Variants in TYW1 observed in about 807,000 individuals in gnomAD.
The protein encoded by TYW1 is tRNA-yW synthesizing protein 1 homolog.
In TYW1, 46 loss-of-function variants were observed where a neutral mutation model predicts 96.2. The ratio of observed to expected loss-of-function variants is 0.48; its 90% CI spans 0.38 to 0.61. The LOEUF (loss-of-function observed/expected upper bound fraction) is 0.61, where lower values mean the gene tolerates loss of function less well. Ranked by LOEUF, TYW1 falls within the 20% of genes least tolerant of loss-of-function variation. TYW1 has a pLI of 0.00. For synonymous variants in TYW1, 274 were observed against 323.0 expected, an observed-to-expected ratio of 0.85 and a Z score of 1.63; for missense variants, 684 against 909.6, an observed-to-expected ratio of 0.75 and a Z score of 3.19.
chr7:67,010,089 C>T (rs1793740392), intron 4 of TYW1, among the ~76,000 whole-genome samples: 1 of 150,458 alleles, frequency 6.6e-6, no homozygotes, highest in Non-Finnish European at 1.5e-5. Flanking sequence ...TCAAGTGATT[C>T]TCCTGCCTCA....
intron 15 of TYW1, among the ~76,000 whole-genome samples, chr7:67,206,696 G>A (rs10258678): frequency 0.27 from 40,716 of 151,360 alleles, 5,833 homozygotes; most frequent in African/African-American, 0.36. Context: ...TAAAAGACAA[G>A]GGAAAGAAGC....
intron 13 of TYW1, among the ~76,000 whole-genome samples, chr7:67,167,144 G>A (rs1156250948): frequency 4.6e-5 from 7 of 152,114 alleles, no homozygotes; most frequent in African/African-American, 1.7e-4. Flanking sequence ...TTTATCAGGT[G>A]TCTTTATCTG....
chr7:67,229,312 C>T (rs1468685867), intron 15 of TYW1, among the ~76,000 whole-genome samples: 2 of 151,878 alleles, frequency 1.3e-5, no homozygotes, highest in Non-Finnish European at 2.9e-5. Context: ...CTGAGGCGGG[C>T]GGATCACCTG....
At chr7:67,225,567 T>G (rs1801535684) in intron 15 of TYW1, among the ~76,000 whole-genome samples, 1 of 152,178 alleles carries the variant, frequency 6.6e-6, no homozygotes, top group Admixed American at 6.5e-5. Context: ...AAGGGACTTG[T>G]GTATCTCCAT....
intron 9 of TYW1, among the ~76,000 whole-genome samples, chr7:67,058,035 C>T (rs529323391): frequency 3.9e-5 from 6 of 152,114 alleles, no homozygotes; most frequent in Non-Finnish European, 8.8e-5. Context: ...CCCGGGTTCA[C>T]GCCATTCTCC....
intron 7 of TYW1, among the ~76,000 whole-genome samples, chr7:67,029,463 A>C (rs1794602046): frequency 7.5e-6 from 1 of 132,864 alleles, no homozygotes; most frequent in African/African-American, 2.6e-5. Context: ...GTTCACTGAA[A>C]GACTTTGCAT....
intron 15 of TYW1, among the ~76,000 whole-genome samples, chr7:67,228,937 T>C (rs1331768288): frequency 6.6e-6 from 1 of 152,256 alleles, no homozygotes; most frequent in Non-Finnish European, 1.5e-5. Context: ...GTTCTTCATC[T>C]GCAACCTCTT....
intron 13 of TYW1, among the ~76,000 whole-genome samples, chr7:67,154,872 T>C (rs1177152373): frequency 6.6e-6 from 1 of 152,188 alleles, no homozygotes; most frequent in Non-Finnish European, 1.5e-5. Context: ...TCTGTATACT[T>C]TTAAATTATC....
At chr7:67,015,415 T>C (rs1185479249) in intron 5 of TYW1, among the ~76,000 whole-genome samples, 2 of 152,190 alleles carry the variant, frequency 1.3e-5, no homozygotes, top group African/African-American at 4.8e-5. Context: ...TGCAGTGACC[T>C]GATCAAAATT....
chr7:67,005,284 A>G (rs908011706), intron 3 of TYW1, among the ~76,000 whole-genome samples: 1 of 152,112 alleles, frequency 6.6e-6, no homozygotes, highest in Non-Finnish European at 1.5e-5. Flanking sequence ...GGTTCTCTGC[A>G]TTAAATAAAC....
Position 67,041,012 on chromosome 7 carries a change from A to G in TYW1, c.985-8937A>G, listed in dbSNP as rs1484098407. On this transcript the variant is annotated intron_variant, in intron 7 of 15. Transcript: ENST00000359626. Reference sequence around the variant, plus strand: ...CATCCATGTACATTATTTTTTTGAAATGAAATGATTTTGGGCTTTATGAGC... The same window carrying G: ...CATCCATGTACATTATTTTTTTGAAGTGAAATGATTTTGGGCTTTATGAGC... Among the ~76,000 whole-genome samples, 3 of 152,222 alleles carry G rather than the reference A, an allele frequency of 2.0e-5. No individual in the cohort carries two copies. The East Asian group carries it at 5.8e-4, about 29-fold the overall frequency.
At chr7:67,023,394 G>A (rs1210439900) in intron 6 of TYW1, among the ~76,000 whole-genome samples, 1 of 152,062 alleles carries the variant, frequency 6.6e-6, no homozygotes, top group African/African-American at 2.4e-5. Context: ...ACTGTGTCCG[G>A]CCCGTTTCTT....
chr7:67,187,075 T>G (rs994099992), intron 14 of TYW1, among the ~76,000 whole-genome samples: 12 of 116,664 alleles, frequency 1.0e-4, no homozygotes, highest in East Asian at 2.4e-4. Flanking sequence ...TTTTTTTTTT[T>G]TTTTTTGAGA....
rs747425452 is a variant in TYW1 at position 67,166,735 on chromosome 7, T to C, written c.1699-16391T>C. 1.4e-4 allele frequency among the ~76,000 whole-genome samples: 21 copies of C among 152,300 alleles called. 1 individual carries two copies. The highest frequency in any genetic ancestry group is 2.0e-4 in the Admixed American group (3 of 15,296). On this transcript the variant is annotated intron_variant, in intron 13 of 15. Coordinates refer to ENST00000359626, the MANE Select transcript of TYW1 (RefSeq NM_018264.4). ...ATTTTCATTGCTATATGTCAATATA[T>C]GAGTATGCCACGATTTATTCCTTCC...
In TYW1 at chr7:67,068,763, C is replaced by T. The variant is rs1795949304; in HGVS notation, c.1274+1360C>T. Reference sequence around the variant, plus strand: ...TTTCTGAGTTTTCCTTCTCCATTTCCAATTTCCTGTTGCATATCTTCTCTT... The same window carrying T: ...TTTCTGAGTTTTCCTTCTCCATTTCTAATTTCCTGTTGCATATCTTCTCTT... On this transcript the variant is annotated intron_variant, in intron 10 of 15. Coordinates refer to ENST00000359626, the MANE Select transcript of TYW1 (RefSeq NM_018264.4). 2.0e-5 allele frequency among the ~76,000 whole-genome samples: 3 copies of T among 152,248 alleles called. No homozygotes were observed. In the South Asian group the frequency reaches 6.2e-4, roughly 32 times the overall value.
At chr7:67,016,192 C>T (rs1794016577) in intron 5 of TYW1, among the ~76,000 whole-genome samples, 2 of 142,368 alleles carry the variant, frequency 1.4e-5, no homozygotes, top group African/African-American at 5.1e-5. Context: ...AGGGATGGGC[C>T]CTGCCTAGCT....
chr7:67,139,900 A>T (rs1798388688), intron 13 of TYW1, among the ~76,000 whole-genome samples: 1 of 152,132 alleles, frequency 6.6e-6, no homozygotes, highest in Non-Finnish European at 1.5e-5. Context: ...AGAGGAACAG[A>T]ATCCCTTGGG....
At position 67,058,382 on chromosome 7, in the gene TYW1, G is replaced by A. The variant is rs77735479; in HGVS notation, c.1155+2495G>A. Among the ~76,000 whole-genome samples the A allele has an allele frequency of 5.1e-3, 784 of 152,300 alleles. 5 individuals carry two copies. The highest frequency in any genetic ancestry group is 0.018 in the African/African-American group (739 of 41,560). ...ACTTCAATGTCTGTATTCCTAGAGC[G>A]GTGTGGCAGGAGCTCTTCAGGGGGT... is the stretch of plus-strand genomic sequence containing the variant. On this transcript the variant is annotated intron_variant, in intron 9 of 15. Coordinates refer to ENST00000359626, the MANE Select transcript of TYW1 (RefSeq NM_018264.4).
intron 13 of TYW1, among the ~76,000 whole-genome samples, chr7:67,135,126 G>A (rs1798203977): frequency 6.6e-6 from 1 of 151,568 alleles, no homozygotes; most frequent in Non-Finnish European, 1.5e-5. Flanking sequence ...GTCTAGAATG[G>A]ATGAATGAAT....
Sources: allele counts gnomAD v4.1 joint callset (sites outside exome capture counted in the v4.1 genomes callset), GRCh38; gene constraint gnomAD v4.1.1; transcripts MANE v1.5; gene names NCBI Gene and HGNC (gene_info 2026-07-23, HGNC 2026-07-21).